Variants in DELE1 observed in about 807,000 individuals in gnomAD.
DELE1 encodes DAP3 binding cell death enhancer 1.
DELE1 carries 54 observed loss-of-function variants against 59.3 expected under a neutral mutation model. The observed-to-expected ratio is 0.91, with a 90% CI of 0.73 to 1.14. The LOEUF is 1.14. Ranked by LOEUF, DELE1 falls within the 50% of genes most tolerant of loss-of-function variation. The pLI, the probability that DELE1 is intolerant of heterozygous loss-of-function variation, is 0.00. For missense variants in DELE1, 636 were observed against 643.9 expected (o/e 0.99, Z 0.13); for synonymous variants, 264 against 259.1 (o/e 1.02, Z -0.18).
chr5:141,930,323 G>T, intron 7 of DELE1, 49 bp downstream of exon 7: 1 of 1,315,680 alleles, frequency 7.6e-7, no homozygotes, highest in South Asian at 1.2e-5. Flanking sequence ...AAAATGGAAA[G>T]GGTATGGGGT....
chr5:141,936,775 G>C (rs536417189), intron 10 of DELE1: 1 of 670,090 alleles, frequency 1.5e-6, no homozygotes, highest in Non-Finnish European at 1.8e-6. Flanking sequence ...TTTTCTGTCA[G>C]CCCTCCCAGG....
chr5:141,941,394 G>A lies in DELE1; in HGVS notation c.*2635G>A. 6.1e-6 allele frequency: 6 copies of A among 985,528 alleles called. No homozygotes were observed. Among genetic ancestry groups the A allele is most frequent in the Non-Finnish European group, 6.0e-6 (5 of 829,988 alleles). The allele number at this position is 985,528 out of a possible 1,614,324, so 61.0% of individuals were successfully genotyped here. The stretch of plus-strand genomic sequence containing the variant: ...CCTGTGGAAAGGGAAGGATGGCAGA[G>A]TCGTGAGAAAGGTGTTGTCAAGGGA... On this transcript the variant is annotated 3_prime_UTR_variant, in exon 12 of 12. Transcript: ENST00000432126.
chr5:141,926,334 G>A (rs1437772938), intron 3 of DELE1, among the ~76,000 whole-genome samples: 1 of 152,164 alleles, frequency 6.6e-6, no homozygotes, highest in African/African-American at 2.4e-5. Flanking sequence ...TACCTGTTAA[G>A]TGGAGGAGCC....
intron 10 of DELE1, chr5:141,936,824 C>T (rs898778680): frequency 1.0e-6 from 1 of 965,776 alleles, no homozygotes; most frequent in African/African-American, 1.8e-5. Context: ...GGGAAGACAA[C>T]CCTCCACCTT....
Position 141,930,255 on chromosome 5 carries a change from C to T in DELE1, c.735C>T (p.Ser245=). 1.2e-6 allele frequency: 2 copies of T among 1,613,628 alleles called. No individual in the cohort carries two copies. The highest frequency in any genetic ancestry group is 1.7e-6 in the Non-Finnish European group (2 of 1,179,538). ...SIQQLFQLSV[S]IAFNFLGTEN... is the part of the protein sequence containing the mutation. ...AGCAGCTCTTCCAGCTCAGTGTTTC[C>T]ATCGCTTTCAACTTCCTGGGTAACC... The change falls in exon 7 of 12, where the codon TCC becomes TCT. Residue 245 remains serine (S), a synonymous_variant. Coordinates refer to ENST00000432126, the MANE Select transcript of DELE1 (RefSeq NM_014773.5).
chr5:141,930,813 G>A (rs1050278729), intron 7 of DELE1, among the ~76,000 whole-genome samples: 21 of 152,182 alleles, frequency 1.4e-4, no homozygotes, highest in Non-Finnish European at 1.6e-4. Flanking sequence ...CCTGTTCTTT[G>A]CAGTAACTTG....
chr5:141,930,689 C>T (rs902446863), intron 7 of DELE1, among the ~76,000 whole-genome samples: 1 of 152,236 alleles, frequency 6.6e-6, no homozygotes, highest in African/African-American at 2.4e-5. Context: ...ACGTAGCATT[C>T]TCTGCCACAC....
intron 7 of DELE1, 121 bp downstream of exon 7, chr5:141,930,395 G>T: frequency 1.4e-6 from 1 of 701,738 alleles, no homozygotes; most frequent in Non-Finnish European, 2.4e-6. Context: ...CTCCCAGGTA[G>T]GTAGACCAAA....
chr5:141,938,725 T>G lies in DELE1; in HGVS notation c.1514T>G (p.Leu505Arg), dbSNP rs748458856. 26 of 1,613,696 alleles carry G rather than the reference T, an allele frequency of 1.6e-5. No individual in the cohort carries two copies. The highest frequency in any genetic ancestry group is 2.1e-5 in the Non-Finnish European group (25 of 1,179,930). ...SRAIPPHPYP[L>R]ERSVVRLGFG is the part of the protein sequence containing the mutation. ...GCTATTCCCCCACACCCCTACCCACTGGAAAGGAGTGTTGTAAGACTAGGT... is the reference window on the plus strand; with the variant it reads ...GCTATTCCCCCACACCCCTACCCACGGGAAAGGAGTGTTGTAAGACTAGGT... Residue 505 changes from leucine to arginine, a missense_variant, in exon 12 of 12, where the codon CTG (leucine) becomes CGG (arginine). By Grantham distance (102) the Leu-to-Arg change is moderately radical. Transcript: ENST00000432126.
rs1752433966 is a variant in DELE1 at position 141,937,284 on chromosome 5, C to T, written c.1236C>T (p.Tyr412=). 6.2e-7 allele frequency: 1 copy of T among 1,614,104 alleles called. No individual in the cohort carries two copies. The highest frequency in any genetic ancestry group is 8.5e-7 in the Non-Finnish European group (1 of 1,180,048). The change falls in exon 11 of 12, where the codon TAC becomes TAT. Residue 412 remains tyrosine (Y), a synonymous_variant. Coordinates refer to ENST00000432126, the MANE Select transcript of DELE1 (RefSeq NM_014773.5). The stretch of plus-strand genomic sequence containing the variant: ...ATCTGGGAGAGGCCTTGAGATGTTA[C>T]CAGCAGTCAGCCGCTCTGGGAAATG... ...QRNLGEALRC[Y]QQSAALGNEA...
At chr5:141,926,954 G>A (rs937543077) in intron 3 of DELE1, among the ~76,000 whole-genome samples, 1 of 152,170 alleles carries the variant, frequency 6.6e-6, no homozygotes, top group East Asian at 1.9e-4. Context: ...TCACAATGCT[G>A]GTGCCTTTTC....
intron 4 of DELE1, among the ~76,000 whole-genome samples, chr5:141,928,940 T>G (rs1397589568): frequency 2.0e-5 from 3 of 152,014 alleles, no homozygotes; most frequent in African/African-American, 7.3e-5. Flanking sequence ...TTGTCCTTAT[T>G]ATGATGATAA....
intron 3 of DELE1, among the ~76,000 whole-genome samples, chr5:141,925,962 C>T (rs945319119): frequency 6.6e-6 from 1 of 152,112 alleles, no homozygotes; most frequent in Non-Finnish European, 1.5e-5. Flanking sequence ...TCACTGCAAC[C>T]TCCGTCTCCC....
Position 141,928,312 on chromosome 5 carries a change from C to T in DELE1, c.412+14C>T. 6.2e-7 allele frequency: 1 copy of T among 1,612,608 alleles called. No individual in the cohort carries two copies. ...ACCCATGCTCCTGTGAGTTCTCAGT[C>T]CTGGGGACAGGAGGGCTGGGCTGGG... is the stretch of plus-strand genomic sequence containing the variant. On this transcript the variant is annotated intron_variant, in intron 4 of 11. Coordinates refer to ENST00000432126, the MANE Select transcript of DELE1 (RefSeq NM_014773.5).
intron 10 of DELE1, chr5:141,934,850 A>G: frequency 2.0e-6 from 1 of 502,048 alleles, no homozygotes; most frequent in Non-Finnish European, 3.6e-6. Context: ...GAAATTGCTA[A>G]ATGCCATAAA....
Position 141,929,736 on chromosome 5 carries a change from G to A in DELE1, c.567G>A (p.Glu189=). The part of the protein sequence containing the change: ...LRGARPQDPS[E]EGPGDFGFLH... ...GAGCTCGTCCTCAGGACCCCTCTGA[G>A]GAAGGTATGTCCCTGCCTCATGGAA... Residue 189 remains glutamate (E), a synonymous_variant, in exon 5 of 12, where the codon GAG becomes GAA. Transcript: ENST00000432126. The A allele has an allele frequency of 1.2e-6, 2 of 1,614,170 alleles. No individual in the cohort carries two copies. Among genetic ancestry groups the A allele is most frequent in the Non-Finnish European group, 1.7e-6 (2 of 1,180,020 alleles).
At chr5:141,926,247 C>A (rs182076897) in intron 3 of DELE1, among the ~76,000 whole-genome samples, 1 of 152,288 alleles carries the variant, frequency 6.6e-6, no homozygotes, top group East Asian at 1.9e-4. Context: ...AAAAATCTTA[C>A]AAGGGAAATA....
At chr5:141,938,057 C>G (rs1316141541) in intron 11 of DELE1, among the ~76,000 whole-genome samples, 1 of 151,794 alleles carries the variant, frequency 6.6e-6, no homozygotes, top group Admixed American at 6.6e-5. Flanking sequence ...AACTCCTGAC[C>G]TCAGGCGATC....
chr5:141,929,367 G>C (rs1410849965), intron 4 of DELE1, among the ~76,000 whole-genome samples: 1 of 152,106 alleles, frequency 6.6e-6, no homozygotes, highest in African/African-American at 2.4e-5. Flanking sequence ...TCCTGCCTCA[G>C]CCTCCTGAGT....
Sources: allele counts gnomAD v4.1 joint callset (sites outside exome capture counted in the v4.1 genomes callset), GRCh38; gene constraint gnomAD v4.1.1; transcripts MANE v1.5; gene names NCBI Gene and HGNC (gene_info 2026-07-23, HGNC 2026-07-21).